The following STPG1 variants were observed in gnomAD, a reference collection of about 807,000 sequenced individuals.
STPG1 encodes the protein O(6)-methylguanine-induced apoptosis 2.
In STPG1, 33 loss-of-function variants were observed where a neutral mutation model predicts 40.1. That is an observed-to-expected ratio of 0.82 (90% CI 0.62 to 1.10). The LOEUF is 1.10. STPG1 is among the 50% of genes least tolerant of loss of function. The pLI is 0.00. For synonymous variants in STPG1, 150 were observed against 155.0 expected (o/e 0.97, Z 0.24); for missense variants, 396 against 415.1 (o/e 0.95, Z 0.40).
chr1:24,389,298 T>A (rs1376483211), intron 3 of STPG1, among the ~76,000 whole-genome samples: 1 of 152,022 alleles, frequency 6.6e-6, no homozygotes, highest in Non-Finnish European at 1.5e-5. Context: ...GTAGCTGACA[T>A]CCTCCCCTGT....
chr1:24,377,046 G>A (rs1250375111), intron 5 of STPG1, among the ~76,000 whole-genome samples: 3 of 151,778 alleles, frequency 2.0e-5, no homozygotes, highest in Non-Finnish European at 2.9e-5. Context: ...GGATTACGAG[G>A]TCAGGAGTTT....
intron 1 of STPG1, among the ~76,000 whole-genome samples, chr1:24,410,234 A>G (rs1643563585): frequency 6.6e-6 from 1 of 152,206 alleles, no homozygotes. Flanking sequence ...CCCCTTGAAT[A>G]AGGGAGGACT....
At chr1:24,372,127 G>A (rs533291050) in intron 6 of STPG1, among the ~76,000 whole-genome samples, 5 of 152,274 alleles carry the variant, frequency 3.3e-5, no homozygotes, top group Admixed American at 2.0e-4. Flanking sequence ...GCGGTGAGCC[G>A]AGATCGTGCC....
intron 1 of STPG1, chr1:24,410,897 A>G (rs1227737024): frequency 2.6e-5 from 4 of 152,252 alleles, no homozygotes; most frequent in Non-Finnish European, 5.9e-5. Context: ...GGGCCAGCGC[A>G]GCAGTCCAGA....
In STPG1 at chr1:24,358,604, T is replaced by C. The variant is rs1450124189; in HGVS notation, c.944A>G (p.Glu315Gly). Residue 315 changes from glutamate to glycine, a missense_variant, in exon 9 of 9, where the codon GAG (glutamate) becomes GGG (glycine). By Grantham distance (98) the Glu-to-Gly change is moderately conservative. Transcript: ENST00000337248. ...GAGGAAGGACTGCTTTCCTGGAAGC[T>C]CTGGCTTGTACGTAGCTGTGAGGGG... is the stretch of plus-strand genomic sequence containing the variant. ...GLPGPATYKP[E>G]LPGKQSFLYN... The C allele has an allele frequency of 6.2e-7, 1 of 1,613,916 alleles. No homozygotes were observed. Among genetic ancestry groups the C allele is most frequent in the Non-Finnish European group, 8.5e-7 (1 of 1,179,814 alleles).
chr1:24,370,611 C>T (rs975748282), intron 6 of STPG1, among the ~76,000 whole-genome samples: 1 of 152,132 alleles, frequency 6.6e-6, no homozygotes, highest in African/African-American at 2.4e-5. Flanking sequence ...CCTGCCTCAG[C>T]CTCCCAAGTA....
At position 24,369,831 on chromosome 1, in the gene STPG1, C is replaced by CATA. The variant is rs1641652840; in HGVS notation, c.577_579dup (p.Tyr193dup). On this transcript the variant is annotated inframe_insertion, in exon 7 of 9. Transcript: ENST00000337248. ...TGCTTCACAAGGGATTCGTTGATAT[C>CATA]ATAATGCCCTAAGGAGAAAGAAATT... The CATA allele has an allele frequency of 6.2e-7, 1 of 1,601,614 alleles. No individual in the cohort carries two copies. The highest frequency in any genetic ancestry group is 1.1e-5 in the South Asian group (1 of 89,606).
intron 1 of STPG1, among the ~76,000 whole-genome samples, chr1:24,408,754 T>C (rs1643504122): frequency 6.6e-6 from 1 of 152,234 alleles, no homozygotes; most frequent in Non-Finnish European, 1.5e-5. Context: ...TTAGCAGACT[T>C]GGGTTTCATT....
At chr1:24,384,123 A>T (rs1642403441) in intron 3 of STPG1, 120 bp from the exon 4 acceptor site, 1 of 627,914 alleles carries the variant, frequency 1.6e-6, no homozygotes, top group Admixed American at 2.6e-5. Flanking sequence ...CGCTACCACC[A>T]CTTGGTGGGT....
intron 7 of STPG1, among the ~76,000 whole-genome samples, chr1:24,366,365 T>C (rs2103645): frequency 0.029 from 4,350 of 152,210 alleles, 233 homozygotes; most frequent in African/African-American, 0.099. Flanking sequence ...GTAGCTCCTG[T>C]CCCTCTCTTC....
In STPG1 at chr1:24,364,534, G is replaced by T. The variant is rs1217876635; in HGVS notation, c.738-3493C>A. ...GCCTAGCTCTTTAAGGGAAGGTATT[G>T]TGTCTTCCTCAGCTTTGAGGCCCCT... On this transcript the variant is annotated intron_variant, in intron 7 of 8. Coordinates refer to ENST00000337248, the MANE Select transcript of STPG1 (RefSeq NM_001199013.2). The T allele has an allele frequency of 2.4e-6, 3 of 1,247,016 alleles. No individual in the cohort carries two copies. The East Asian group carries it at 8.8e-5, about 37-fold the overall frequency. 77.2% of individuals were successfully genotyped at this position (1,247,016 alleles called of 1,614,324 possible). A position where few individuals can be genotyped will look rare whatever the true frequency, so the allele number is the denominator to read the frequency against.
At chr1:24,371,583 T>C (rs1570004601) in intron 6 of STPG1, among the ~76,000 whole-genome samples, 1 of 133,516 alleles carries the variant, frequency 7.5e-6, no homozygotes, top group Admixed American at 8.1e-5. Flanking sequence ...AGAGCGAGAC[T>C]CCCTCTCAAA....
chr1:24,371,411 G>T (rs1035841575), intron 6 of STPG1, among the ~76,000 whole-genome samples: 1 of 151,594 alleles, frequency 6.6e-6, no homozygotes, highest in Admixed American at 6.6e-5. Flanking sequence ...AATATGGTGA[G>T]ACACCATCTC....
chr1:24,379,807 G>A lies in STPG1; in HGVS notation c.308C>T (p.Thr103Ile). ...CGCTGCAGGGTATTTAGAAATGATG[G>A]TGTCCAATCGGGCGCACTGTAAGGA... ...MFPSMCARLD[T>I]IISKYPAANA... Residue 103 changes from threonine (T) to isoleucine (I), a missense_variant, in exon 5 of 9, where the codon ACC becomes ATC. Thr to Ile is a moderately conservative substitution (Grantham distance 89). Transcript: ENST00000337248. 5 of 1,613,958 alleles carry A rather than the reference G, an allele frequency of 3.1e-6. No individual in the cohort carries two copies. Among genetic ancestry groups the A allele is most frequent in the Non-Finnish European group, 4.2e-6 (5 of 1,179,824 alleles).
In STPG1 at chr1:24,357,640, GAAAGACTAAACAGCGTCAGTC is replaced by G. The variant is rs1640810082; in HGVS notation, c.*882_*902del. 2 of 163,902 alleles carry G rather than the reference GAAAGACTAAACAGCGTCAGTC, an allele frequency of 1.2e-5. No homozygotes were observed. The highest frequency in any genetic ancestry group is 4.8e-5 in the African/African-American group (2 of 41,582). 10.2% of individuals were successfully genotyped at this position (163,902 alleles called of 1,614,324 possible). On this transcript the variant is annotated 3_prime_UTR_variant, in exon 9 of 9. Transcript: ENST00000337248. ...CGGTATCTGGCGGGGTTAATGTACA[GAAAGACTAAACAGCGTCAGTC>G]AAAGCCTGCTGGGAGATCAGAAAAG...
At position 24,357,779 on chromosome 1, in the gene STPG1, A is replaced by G. The variant is rs1182622863; in HGVS notation, c.*764T>C. 1.5e-5 allele frequency: 3 copies of G among 195,280 alleles called. No individual in the cohort carries two copies. The East Asian group carries it at 3.6e-4, about 23-fold the overall frequency. The allele number at this position is 195,280 out of a possible 1,614,324, so 12.1% of individuals were successfully genotyped here. A position where few individuals can be genotyped will look rare whatever the true frequency, so the allele number is the denominator to read the frequency against. ...TTTTTCCCTCCACATAGAGAGACGA[A>G]AGCTATCAGGCCTAGACAGGCCATG... is the stretch of plus-strand genomic sequence containing the variant. On this transcript the variant is annotated 3_prime_UTR_variant, in exon 9 of 9. Transcript: ENST00000337248.
At chr1:24,379,136 C>G (rs1370637256) in intron 5 of STPG1, 2 of 156,700 alleles carry the variant, frequency 1.3e-5, no homozygotes, top group African/African-American at 4.8e-5. Context: ...TAGAAAGTGG[C>G]AACAGATGAG....
rs191929507 is a variant in STPG1, at chr1:24,404,559, C to T, written c.-68-3103G>A. ...CCGTCTGGGCCTGGAGTTTTCTTTG[C>T]GGGAAGATTTTTAATGACAAAGTCC... is the stretch of plus-strand genomic sequence containing the variant. On this transcript the variant is annotated intron_variant, in intron 1 of 8. Coordinates refer to ENST00000337248, the MANE Select transcript of STPG1 (RefSeq NM_001199013.2). Among the ~76,000 whole-genome samples, 6 of 152,212 alleles carry T rather than the reference C, an allele frequency of 3.9e-5. No homozygotes were observed. In the East Asian group the frequency reaches 5.8e-4, roughly 15 times the overall value.
At chr1:24,380,312 C>T (rs1214209942) in intron 4 of STPG1, among the ~76,000 whole-genome samples, 4 of 152,166 alleles carry the variant, frequency 2.6e-5, no homozygotes, top group Non-Finnish European at 4.4e-5. Flanking sequence ...TCCTACCCTC[C>T]ACCAAATTAC....
Sources: gnomAD v4.1 joint callset for allele counts (sites outside exome capture counted in the v4.1 genomes callset) on GRCh38, gnomAD v4.1.1 for gene constraint, MANE v1.5 for transcripts, NCBI Gene and HGNC (gene_info 2026-07-23, HGNC 2026-07-21) for gene names.